Variants in MARK3 observed in about 807,000 individuals in gnomAD.
MARK3 encodes the protein microtubule affinity regulating kinase 3, also known as MAP/microtubule affinity-regulating kinase 3.
MARK3 carries 46 observed loss-of-function variants against 90.1 expected under a neutral mutation model. The ratio of observed to expected loss-of-function variants is 0.51; its 90% CI spans 0.40 to 0.65. The LOEUF is 0.65. Among genes scored for constraint, MARK3 ranks in the 30% least tolerant of loss-of-function variants. The pLI is 0.00. For synonymous variants in MARK3, 321 were observed against 332.6 expected, an observed-to-expected ratio of 0.97 and a Z score of 0.38; for missense variants, 818 against 947.2, an observed-to-expected ratio of 0.86 and a Z score of 1.79.
rs550788185 is a variant in MARK3, at chr14:103,491,211, G to T, written c.1587-566G>T. On this transcript the variant is annotated intron_variant, in intron 14 of 17. Transcript: ENST00000429436. ...GAGATTTTGTTACAGTTGTCCACAA[G>T]GCGTCCTTCCTCCATGTGATTTTAG... is the stretch of plus-strand genomic sequence containing the variant. 60 of 855,230 alleles carry T rather than the reference G, an allele frequency of 7.0e-5. No individual in the cohort carries two copies. The African/African-American group carries it at 1.0e-3, about 15-fold the overall frequency. 53.0% of individuals were successfully genotyped at this position (855,230 alleles called of 1,614,324 possible). A position where few individuals can be genotyped will look rare whatever the true frequency, so the allele number is the denominator to read the frequency against.
At chr14:103,419,679 A>T (rs1363552572) in intron 2 of MARK3, among the ~76,000 whole-genome samples, 1 of 152,108 alleles carries the variant, frequency 6.6e-6, no homozygotes, top group Admixed American at 6.5e-5. Context: ...GTGATTGTGG[A>T]TATTGTTCTT....
Position 103,466,403 on chromosome 14 carries a change from G to T in MARK3, c.958G>T (p.Val320Phe), listed in dbSNP as rs764043744. 1 of 1,613,960 alleles carries T rather than the reference G, an allele frequency of 6.2e-7. No individual in the cohort carries two copies. ...GHEEDELKPF[V>F]EPELDISDQK... ...TGAAGAAGATGAACTCAAACCATTTGTTGAACCAGAGCTAGACATCTCAGA... is the reference window on the plus strand; with the variant it reads ...TGAAGAAGATGAACTCAAACCATTTTTTGAACCAGAGCTAGACATCTCAGA... Residue 320 changes from valine to phenylalanine, a missense_variant, in exon 10 of 18, where the codon GTT (valine) becomes TTT (phenylalanine). Around this residue, in one of 3 missense-constraint regions of MARK3, gnomAD observed 560 missense variants for 613.5 expected, o/e 0.91. Transcript: ENST00000429436.
At chr14:103,395,852 G>T (rs528919008) in intron 1 of MARK3, among the ~76,000 whole-genome samples, 1 of 152,208 alleles carries the variant, frequency 6.6e-6, no homozygotes, top group East Asian at 1.9e-4. Flanking sequence ...TTATTTTTCT[G>T]TTTGTTTAAG....
intron 3 of MARK3, among the ~76,000 whole-genome samples, chr14:103,431,497 G>A (rs2092581344): frequency 6.6e-6 from 1 of 152,184 alleles, no homozygotes; most frequent in African/African-American, 2.4e-5. Flanking sequence ...TGGGCGTGGT[G>A]GCACATGCTT....
chr14:103,437,384 A>C (rs946000067), intron 3 of MARK3, among the ~76,000 whole-genome samples: 8 of 151,490 alleles, frequency 5.3e-5, no homozygotes, highest in Middle Eastern at 6.8e-3. Flanking sequence ...ACAGAGTGAG[A>C]CTCCGTCTCA....
intron 2 of MARK3, among the ~76,000 whole-genome samples, chr14:103,427,928 G>A (rs1197739309): frequency 6.6e-6 from 1 of 152,138 alleles, no homozygotes; most frequent in Non-Finnish European, 1.5e-5. Flanking sequence ...ATCTCACCCT[G>A]TGACTAAGAA....
chr14:103,437,219 C>T (rs773225168), intron 3 of MARK3, among the ~76,000 whole-genome samples: 56 of 151,948 alleles, frequency 3.7e-4, no homozygotes, highest in Non-Finnish European at 5.4e-4. Flanking sequence ...TTTTAAATTT[C>T]TTGCCAGACT....
chr14:103,389,913 C>T (rs1313327107), intron 1 of MARK3, among the ~76,000 whole-genome samples: 2 of 126,830 alleles, frequency 1.6e-5, no homozygotes, highest in African/African-American at 6.3e-5. Context: ...CATTGCCCTC[C>T]AGCCTGGGCG....
intron 14 of MARK3, among the ~76,000 whole-genome samples, chr14:103,483,372 T>C (rs1156759382): frequency 6.6e-6 from 1 of 152,194 alleles, no homozygotes; most frequent in Non-Finnish European, 1.5e-5. Context: ...AGAATAATGA[T>C]GGCTGATTTT....
At position 103,484,460 on chromosome 14, in the gene MARK3, A is replaced by C. The variant is rs376006585; in HGVS notation, c.1586+3970A>C. Among the ~76,000 whole-genome samples the C allele has an allele frequency of 3.9e-5, 6 of 152,344 alleles. No homozygotes were observed. In the South Asian group the frequency reaches 8.3e-4, roughly 21 times the overall value. On this transcript the variant is annotated intron_variant, in intron 14 of 17. Coordinates refer to ENST00000429436, the MANE Select transcript of MARK3 (RefSeq NM_001128918.3). The stretch of plus-strand genomic sequence containing the variant: ...AGTGCTGTGATTACAGGCATGAGCC[A>C]CTGCACCAGGCCCAGAATCTTTCAA...
intron 11 of MARK3, chr14:103,467,674 C>CAAAAAAAA (rs10525116): frequency 0.033 from 1,461 of 44,890 alleles, 331 homozygotes; most frequent in South Asian, 0.072. Context: ...GACTCTGTCT[C>CAAAAAAAA]AAAAAAAAAA....
chr14:103,410,679 G>A (rs1443891038), intron 2 of MARK3, among the ~76,000 whole-genome samples: 1 of 152,032 alleles, frequency 6.6e-6, no homozygotes, highest in Non-Finnish European at 1.5e-5. Flanking sequence ...TCCAGCCGGG[G>A]CAACAGAGGA....
intron 7 of MARK3, 82 bp from the exon 8 acceptor site, chr14:103,465,475 C>G (rs1228218996): frequency 1.3e-5 from 12 of 944,030 alleles, no homozygotes; most frequent in Non-Finnish European, 2.0e-5. Context: ...TTACAGAAAG[C>G]TTTTCTAAAA....
intron 17 of MARK3, among the ~76,000 whole-genome samples, chr14:103,500,583 A>G (rs969304354): frequency 4.0e-5 from 6 of 151,752 alleles, no homozygotes; most frequent in African/African-American, 7.3e-5. Context: ...TTCAAACTAG[A>G]TATGTTTTCT....
chr14:103,489,938 A>G (rs937567005), intron 14 of MARK3: 1 of 152,268 alleles, frequency 6.6e-6, no homozygotes, highest in African/African-American at 2.4e-5. Context: ...GAATTTGCCC[A>G]TCTTGGAGAA....
intron 2 of MARK3, among the ~76,000 whole-genome samples, chr14:103,416,987 G>T (rs192408179): frequency 1.2e-3 from 177 of 152,290 alleles, no homozygotes; most frequent in African/African-American, 4.0e-3. Context: ...AGATAAGCAG[G>T]AGAGTGAATG....
At chr14:103,410,561 C>T (rs1225251822) in intron 2 of MARK3, among the ~76,000 whole-genome samples, 2 of 152,112 alleles carry the variant, frequency 1.3e-5, no homozygotes, top group Non-Finnish European at 2.9e-5. Context: ...CCTGGCCACC[C>T]GCAGTAGCTC....
Position 103,482,131 on chromosome 14 carries a change from A to G in MARK3, c.1586+1641A>G, listed in dbSNP as rs543161612. 8.4e-4 allele frequency among the ~76,000 whole-genome samples: 128 copies of G among 152,158 alleles called. 1 individual carries two copies. Among genetic ancestry groups the G allele is most frequent in the African/African-American group, 3.0e-3 (123 of 41,532 alleles). On this transcript the variant is annotated intron_variant, in intron 14 of 17. Coordinates refer to ENST00000429436, the MANE Select transcript of MARK3 (RefSeq NM_001128918.3). Reference sequence around the variant, plus strand: ...ATTATAGTTCAGTTCTTAACTTTCAAATTTCTTCTAGTTCAAAAGTGACTT... The same window carrying G: ...ATTATAGTTCAGTTCTTAACTTTCAGATTTCTTCTAGTTCAAAAGTGACTT...
chr14:103,412,236 C>G lies in MARK3; in HGVS notation c.243+6969C>G, dbSNP rs890486080. 8 of 784,610 alleles carry G rather than the reference C, an allele frequency of 1.0e-5. No homozygotes were observed. The South Asian group carries it at 1.2e-4, about 12-fold the overall frequency. 48.6% of individuals were successfully genotyped at this position (784,610 alleles called of 1,614,324 possible). On this transcript the variant is annotated intron_variant, in intron 2 of 17. Transcript: ENST00000429436. Reference sequence around the variant, plus strand: ...TTAACAGCCAGGTGAATGTTATGCACAAGCTCATCGTCTGTCATCTTCACG... The same window carrying G: ...TTAACAGCCAGGTGAATGTTATGCAGAAGCTCATCGTCTGTCATCTTCACG...
Sources: gnomAD v4.1 joint callset for allele counts (sites outside exome capture counted in the v4.1 genomes callset) on GRCh38, gnomAD v4.1.1 for gene constraint, gnomAD v4.1.1 regional missense constraint, MANE v1.5 for transcripts, NCBI Gene and HGNC (gene_info 2026-07-23, HGNC 2026-07-21) for gene names.